The following NAPB variants were observed in gnomAD, a reference collection of about 807,000 sequenced individuals.
NAPB encodes beta-soluble NSF attachment protein.
Under a neutral mutation model 44.7 loss-of-function variants are expected in NAPB, and 26 were observed. The ratio of observed to expected loss-of-function variants is 0.58; its 90% CI spans 0.43 to 0.81. The LOEUF is 0.81. Ranked by LOEUF, NAPB falls within the 30% of genes least tolerant of loss-of-function variation. The probability of loss-of-function intolerance (pLI) is 0.00; values close to 1 mark genes in which losing one functional copy is unlikely to be tolerated. For missense variants in NAPB, 315 were observed against 356.4 expected (o/e 0.88, Z 0.94); for synonymous variants, 120 against 116.8 (o/e 1.03, Z -0.18).
chr20:23,380,168 T>C (rs974643635), intron 8 of NAPB, among the ~76,000 whole-genome samples: 5 of 152,264 alleles, frequency 3.3e-5, no homozygotes, highest in African/African-American at 4.8e-5. Flanking sequence ...TGAGAAGACA[T>C]TGTAAATGAA....
chr20:23,417,721 G>A (rs1023779277), intron 1 of NAPB, among the ~76,000 whole-genome samples: 1 of 151,914 alleles, frequency 6.6e-6, no homozygotes, highest in African/African-American at 2.4e-5. Flanking sequence ...ACTGCTTAAC[G>A]GGCAATTAAG....
chr20:23,413,511 A>G (rs1349258927), intron 1 of NAPB, among the ~76,000 whole-genome samples: 1 of 152,172 alleles, frequency 6.6e-6, no homozygotes, highest in African/African-American at 2.4e-5. Flanking sequence ...AAAGCAATAA[A>G]GATAAAAGTA....
intron 2 of NAPB, among the ~76,000 whole-genome samples, chr20:23,401,071 G>C (rs1322609636): frequency 6.6e-6 from 1 of 152,108 alleles, no homozygotes; most frequent in Non-Finnish European, 1.5e-5. Context: ...GTTGACATGT[G>C]AAGAGGGAGC....
chr20:23,392,475 G>C (rs1984035400), intron 5 of NAPB, among the ~76,000 whole-genome samples: 1 of 151,994 alleles, frequency 6.6e-6, no homozygotes, highest in Non-Finnish European at 1.5e-5. Flanking sequence ...AGACCAGCCT[G>C]GGCAACATGA....
rs528773315 is a variant in NAPB, at chr20:23,411,261, T to A, written c.99-8189A>T. Among the ~76,000 whole-genome samples the A allele has an allele frequency of 6.6e-5, 10 of 152,352 alleles. No individual in the cohort carries two copies. In the East Asian group the frequency reaches 1.9e-3, roughly 29 times the overall value. Reference sequence around the variant, plus strand: ...TAGTCTACTGTGAAACATATCCTAGTAAGATGACTAGATTTTATAAATGAA... The same window carrying A: ...TAGTCTACTGTGAAACATATCCTAGAAAGATGACTAGATTTTATAAATGAA... On this transcript the variant is annotated intron_variant, in intron 1 of 10. Transcript: ENST00000377026.
rs1179298463 is a variant in NAPB, at chr20:23,376,169, G to T, written c.*1207C>A. 6.6e-6 allele frequency: 1 copy of T among 152,146 alleles called. No individual in the cohort carries two copies. The highest frequency in any genetic ancestry group is 2.4e-5 in the African/African-American group (1 of 41,428). The allele number at this position is 152,146 out of a possible 1,614,324, so 9.4% of individuals were successfully genotyped here. A position where few individuals can be genotyped will look rare whatever the true frequency, so the allele number is the denominator to read the frequency against. ...ATCATTTAACTATAAATATTCAGAG[G>T]ACATTCAGGAGACAAGCGTATGTCT... On this transcript the variant is annotated 3_prime_UTR_variant, in exon 11 of 11. Transcript: ENST00000377026.
intron 5 of NAPB, among the ~76,000 whole-genome samples, chr20:23,391,884 T>A (rs1046277434): frequency 1.3e-5 from 2 of 152,184 alleles, no homozygotes; most frequent in African/African-American, 4.8e-5. Flanking sequence ...CAAATGCAAA[T>A]GAGGGAGCTA....
At chr20:23,395,051 C>T in intron 4 of NAPB, 52 bp from the exon 5 acceptor site, 2 of 1,611,800 alleles carry the variant, frequency 1.2e-6, no homozygotes, top group Non-Finnish European at 1.7e-6. Flanking sequence ...TATCTGAATG[C>T]CAGTTTGGGA....
intron 1 of NAPB, among the ~76,000 whole-genome samples, chr20:23,415,119 T>C (rs1305325749): frequency 1.3e-5 from 2 of 152,162 alleles, no homozygotes; most frequent in Non-Finnish European, 2.9e-5. Context: ...AAATTTTTCA[T>C]CATTTTTAGC....
chr20:23,381,305 T>C lies in NAPB; in HGVS notation c.574A>G (p.Thr192Ala), dbSNP rs1444669848. ...TATTTCAACAAAGGATTATCCATTGTGTTTGCCCCAACCTAGGCACAGAAC... is the reference window on the plus strand; with the variant it reads ...TATTTCAACAAAGGATTATCCATTGCGTTTGCCCCAACCTAGGCACAGAAC... ...IEIYEQVGAN[T>A]MDNPLLKYSA... is the part of the protein sequence containing the mutation. Residue 192 changes from threonine (T) to alanine (A), a missense_variant, in exon 8 of 11, where the codon ACA becomes GCA. Physicochemically the swap from Thr to Ala is moderately conservative, Grantham distance 58 (BLOSUM62 0). Transcript: ENST00000377026. 6.3e-6 allele frequency: 10 copies of C among 1,584,270 alleles called. No individual in the cohort carries two copies. The highest frequency in any genetic ancestry group is 1.7e-4 in the Middle Eastern group (1 of 5,938).
intron 7 of NAPB, among the ~76,000 whole-genome samples, chr20:23,389,299 A>T (rs2123167109): frequency 6.6e-6 from 1 of 151,770 alleles, no homozygotes; most frequent in African/African-American, 2.4e-5. Context: ...AACACTGTGC[A>T]TTGCTAGTGG....
At chr20:23,404,079 C>G (rs1187546927) in intron 1 of NAPB, among the ~76,000 whole-genome samples, 2 of 152,200 alleles carry the variant, frequency 1.3e-5, no homozygotes, top group South Asian at 2.1e-4. Context: ...CACTGAGGGA[C>G]AGCTTTAAGC....
In NAPB at chr20:23,379,911, T is replaced by C. The variant is rs1982859854; in HGVS notation, c.691A>G (p.Met231Val). 6.2e-7 allele frequency: 1 copy of C among 1,613,222 alleles called. No homozygotes were observed. Among genetic ancestry groups the C allele is most frequent in the Admixed American group, 1.7e-5 (1 of 60,024 alleles). The change falls in exon 9 of 11, where the codon ATG (methionine) becomes GTG (valine). Residue 231 changes from methionine (M) to valine (V), a missense_variant. Around this residue, in one of 3 missense-constraint regions of NAPB, gnomAD observed 120 missense variants for 130.5 expected, o/e 0.92. Coordinates refer to ENST00000377026, the MANE Select transcript of NAPB (RefSeq NM_022080.3). ...AKLALEKYEEMFPAFTDSREC... is the reference protein window; with the variant it reads ...AKLALEKYEEVFPAFTDSREC... Reference sequence around the variant, plus strand: ...CTTGAATCAGTAAATGCTGGAAACATTTCCTCATATTTCTCAAGAGCAAGC... The same window carrying C: ...CTTGAATCAGTAAATGCTGGAAACACTTCCTCATATTTCTCAAGAGCAAGC...
chr20:23,392,616 T>G (rs1256340535), intron 5 of NAPB, among the ~76,000 whole-genome samples: 3 of 151,802 alleles, frequency 2.0e-5, no homozygotes, highest in Admixed American at 6.6e-5. Flanking sequence ...CAGTGAGCTG[T>G]GTTCATGCCA....
intron 7 of NAPB, among the ~76,000 whole-genome samples, chr20:23,382,745 A>G (rs908590476): frequency 6.6e-6 from 1 of 152,226 alleles, no homozygotes; most frequent in Non-Finnish European, 1.5e-5. Context: ...GGAAGACAAC[A>G]ACAGGAACAA....
At chr20:23,401,317 C>T (rs6036401) in intron 2 of NAPB, among the ~76,000 whole-genome samples, 10 of 152,236 alleles carry the variant, frequency 6.6e-5, no homozygotes, top group African/African-American at 1.7e-4. Context: ...ACGCTAGGCA[C>T]GTGGGAGTTA....
intron 1 of NAPB, among the ~76,000 whole-genome samples, chr20:23,411,906 T>C (rs1289548863): frequency 1.3e-5 from 2 of 152,176 alleles, no homozygotes; most frequent in African/African-American, 4.8e-5. Context: ...GAACCAATCA[T>C]ATACTCGTCA....
chr20:23,388,104 A>G (rs1395810923), intron 7 of NAPB, among the ~76,000 whole-genome samples: 1 of 151,946 alleles, frequency 6.6e-6, no homozygotes, highest in Non-Finnish European at 1.5e-5. Flanking sequence ...TACATCATCA[A>G]CTCTCCTGGT....
At chr20:23,417,030 G>C (rs1407542531) in intron 1 of NAPB, among the ~76,000 whole-genome samples, 1 of 151,488 alleles carries the variant, frequency 6.6e-6, no homozygotes, top group Admixed American at 6.6e-5. Flanking sequence ...ACTAAACACT[G>C]AAAGGCAAAG....
Sources: allele counts gnomAD v4.1 joint callset (sites outside exome capture counted in the v4.1 genomes callset), GRCh38; gene constraint gnomAD v4.1.1; regional missense constraint gnomAD v4.1.1; transcripts MANE v1.5; gene names NCBI Gene and HGNC (gene_info 2026-07-23, HGNC 2026-07-21).